Variants in VSNL1 observed in about 807,000 individuals in gnomAD.
VSNL1 encodes the protein visinin-like protein 1.
VSNL1 carries 6 observed loss-of-function variants against 20.4 expected under a neutral mutation model. The ratio of observed to expected loss-of-function variants is 0.29; its 90% CI spans 0.16 to 0.58. The LOEUF (loss-of-function observed/expected upper bound fraction) is 0.58, where lower values mean the gene tolerates loss of function less well. Among genes scored for constraint, VSNL1 ranks in the 20% least tolerant of loss-of-function variants. VSNL1 has a pLI of 0.90. For missense variants in VSNL1, 100 were observed against 234.5 expected, an observed-to-expected ratio of 0.43 and a Z score of 3.75; for synonymous variants, 93 against 86.4, an observed-to-expected ratio of 1.08 and a Z score of -0.42.
intron 2 of VSNL1, among the ~76,000 whole-genome samples, chr2:17,609,180 C>A (rs1054671780): frequency 6.6e-6 from 1 of 152,104 alleles, no homozygotes; most frequent in African/African-American, 2.4e-5. Flanking sequence ...TTTCTCTTTT[C>A]GTGCTCCTTC....
chr2:17,617,910 C>CAA (rs890977533), intron 2 of VSNL1, among the ~76,000 whole-genome samples: 3 of 151,758 alleles, frequency 2.0e-5, no homozygotes, highest in African/African-American at 7.3e-5. Context: ...CACACACACA[C>CAA]CCCACCTTAC....
At chr2:17,561,404 C>T (rs148858390) in intron 1 of VSNL1, among the ~76,000 whole-genome samples, 18 of 152,218 alleles carry the variant, frequency 1.2e-4, no homozygotes, top group African/African-American at 4.3e-4. Flanking sequence ...AAAACTGGAG[C>T]TTCTTAAAAA....
At chr2:17,556,186 A>T (rs1400346979) in intron 1 of VSNL1, among the ~76,000 whole-genome samples, 3 of 152,200 alleles carry the variant, frequency 2.0e-5, no homozygotes, top group Non-Finnish European at 2.9e-5. Flanking sequence ...TTCCATTTTA[A>T]GGGTAGTTTT....
chr2:17,622,208 A>G (rs62133580), intron 2 of VSNL1, among the ~76,000 whole-genome samples: 7,752 of 144,712 alleles, frequency 0.054, 237 homozygotes, highest in East Asian at 0.092. Context: ...TTCAGACTCT[A>G]TCTCAAAAAA....
intron 1 of VSNL1, among the ~76,000 whole-genome samples, chr2:17,546,613 A>G (rs1663411527): frequency 6.6e-6 from 1 of 151,960 alleles, no homozygotes; most frequent in Non-Finnish European, 1.5e-5. Context: ...GTAATTTGTG[A>G]TTGGCGTGTT....
intron 2 of VSNL1, among the ~76,000 whole-genome samples, chr2:17,619,434 GA>G (rs1231964182): frequency 2.6e-5 from 4 of 152,094 alleles, no homozygotes; most frequent in African/African-American, 7.2e-5. Flanking sequence ...TTTTTAAAAG[GA>G]GACATTTTAG....
At chr2:17,650,766 CA>C (rs1291555883) in intron 3 of VSNL1, among the ~76,000 whole-genome samples, 1 of 152,238 alleles carries the variant, frequency 6.6e-6, no homozygotes, top group Admixed American at 6.5e-5. Context: ...AGTCACCCAT[CA>C]ACTCCCTGCC....
intron 1 of VSNL1, among the ~76,000 whole-genome samples, chr2:17,546,939 G>A (rs1053293705): frequency 1.3e-5 from 2 of 151,868 alleles, no homozygotes; most frequent in Admixed American, 6.6e-5. Flanking sequence ...AAAAATGAAA[G>A]GAAATTGTGA....
At chr2:17,618,859 G>A (rs1439063057) in intron 2 of VSNL1, among the ~76,000 whole-genome samples, 3 of 152,198 alleles carry the variant, frequency 2.0e-5, no homozygotes, top group Non-Finnish European at 4.4e-5. Context: ...GGTAAGGAAG[G>A]CAGAGGAGGG....
chr2:17,594,145 A>G (rs1286642111), intron 2 of VSNL1, among the ~76,000 whole-genome samples: 1 of 152,258 alleles, frequency 6.6e-6, no homozygotes, highest in Non-Finnish European at 1.5e-5. Context: ...GTGAGGGGTC[A>G]TGTAAACATT....
upstream of VSNL1, among the ~76,000 whole-genome samples, chr2:17,540,413 C>T (rs1218596359): frequency 1.3e-5 from 2 of 152,244 alleles, no homozygotes; most frequent in Non-Finnish European, 2.9e-5. Context: ...CGTCCAGGTG[C>T]GGGTTGCTCC....
chr2:17,649,464 G>A lies in VSNL1; in HGVS notation c.217G>A (p.Asp73Asn). ...TGCCCAGCATGCCTTCCGAACCTTC[G>A]ACAAGAATGGGGACGGCACCATTGA... Reference protein sequence around the residue: ...KFAQHAFRTFDKNGDGTIDFR... With the variant: ...KFAQHAFRTFNKNGDGTIDFR... The change falls in exon 3 of 4, where the codon GAC becomes AAC. Residue 73 changes from aspartate (D) to asparagine (N), a missense_variant. Transcript: ENST00000295156. The surrounding 1 kb of genome is among the most constrained non-coding windows in gnomAD (Gnocchi z 6.4). 2 of 1,614,070 alleles carry A rather than the reference G, an allele frequency of 1.2e-6. No homozygotes were observed. Among genetic ancestry groups the A allele is most frequent in the Non-Finnish European group, 1.7e-6 (2 of 1,180,002 alleles).
At chr2:17,594,165 T>C (rs1220934040) in intron 2 of VSNL1, among the ~76,000 whole-genome samples, 1 of 152,234 alleles carries the variant, frequency 6.6e-6, no homozygotes, top group African/African-American at 2.4e-5. Flanking sequence ...TAAGCATGCC[T>C]TGGCGTTTTA....
intron 1 of VSNL1, among the ~76,000 whole-genome samples, chr2:17,587,790 A>G (rs777095891): frequency 6.6e-6 from 1 of 152,204 alleles, no homozygotes; most frequent in African/African-American, 2.4e-5. Flanking sequence ...CAAAGTTCTC[A>G]TCAGTAAAAA....
intron 2 of VSNL1, among the ~76,000 whole-genome samples, chr2:17,630,983 T>A (rs1665615590): frequency 6.6e-6 from 1 of 152,210 alleles, no homozygotes; most frequent in Admixed American, 6.5e-5. Flanking sequence ...AGTTTCACCA[T>A]GTTGGCCAGG....
chr2:17,615,955 A>C (rs895047033), intron 2 of VSNL1, among the ~76,000 whole-genome samples: 4 of 152,236 alleles, frequency 2.6e-5, no homozygotes, highest in African/African-American at 9.6e-5. Context: ...TTTTAGTCCA[A>C]TTATCATCTA....
Position 17,592,636 on chromosome 2 carries a change from C to CAA in VSNL1, c.162+400_162+401insAA, listed in dbSNP as rs1558292745. On this transcript the variant is annotated intron_variant, in intron 2 of 3. Coordinates refer to ENST00000295156, the MANE Select transcript of VSNL1 (RefSeq NM_003385.5). ...ACACAAGAGGGCTTTTTCTCTCTCT[C>CAA]TCTCTTTTTTTTTTTTTTTTTTTTT... Among the ~76,000 whole-genome samples, 3 of 82,978 alleles carry CAA rather than the reference C, an allele frequency of 3.6e-5. 1 individual carries two copies. Among genetic ancestry groups the CAA allele is most frequent in the African/African-American group, 1.6e-4 (3 of 18,546 alleles). The allele number at this position is 82,978 out of a possible 152,430, so 54.4% of individuals were successfully genotyped here.
At chr2:17,550,031 G>A (rs1663493021) in intron 1 of VSNL1, among the ~76,000 whole-genome samples, 1 of 152,136 alleles carries the variant, frequency 6.6e-6, no homozygotes, top group Non-Finnish European at 1.5e-5. Context: ...TTCCTCATGT[G>A]AGAATAACTA....
chr2:17,595,915 G>T (rs1167987309), intron 2 of VSNL1, among the ~76,000 whole-genome samples: 1 of 152,054 alleles, frequency 6.6e-6, no homozygotes, highest in African/African-American at 2.4e-5. Context: ...TCTTATTGTT[G>T]CTACAGTTCA....
Sources: allele counts gnomAD v4.1 joint callset (sites outside exome capture counted in the v4.1 genomes callset), GRCh38; gene constraint gnomAD v4.1.1; non-coding constraint Gnocchi (gnomAD v3.1); transcripts MANE v1.5; gene names NCBI Gene and HGNC (gene_info 2026-07-23, HGNC 2026-07-21).